Variants in RABGAP1L observed in about 807,000 individuals in gnomAD.
RABGAP1L encodes the protein rab GTPase-activating protein 1-like.
RABGAP1L carries 63 observed loss-of-function variants against 137.7 expected under a neutral mutation model. The ratio of observed to expected loss-of-function variants is 0.46; its 90% CI spans 0.37 to 0.56. RABGAP1L has a LOEUF of 0.56. Ranked by LOEUF, RABGAP1L falls within the 20% of genes least tolerant of loss-of-function variation. The pLI is 0.00. For missense variants in RABGAP1L, 1,095 were observed against 1,244.0 expected (o/e 0.88, Z 1.80); for synonymous variants, 431 against 433.7 (o/e 0.99, Z 0.08).
At chr1:174,769,998 G>A (rs925238982) in intron 18 of RABGAP1L, among the ~76,000 whole-genome samples, 2 of 152,192 alleles carry the variant, frequency 1.3e-5, no homozygotes, top group Non-Finnish European at 2.9e-5. Context: ...AGTTGGGAAT[G>A]TAGTTTCTGT....
rs1054642045 is a variant in RABGAP1L, at chr1:174,186,979, G to A, written c.-34+27322G>A. ...AAGACTGTACATTATGTGGCTCTTT[G>A]CCAGTTTCTTCGAAATCTACTTATC... On this transcript the variant is annotated intron_variant, in intron 1 of 25. Coordinates refer to ENST00000681986, the MANE Select transcript of RABGAP1L (RefSeq NM_001366446.1). 6.6e-5 allele frequency among the ~76,000 whole-genome samples: 10 copies of A among 152,052 alleles called. No homozygotes were observed. In the East Asian group the frequency reaches 1.9e-3, roughly 29 times the overall value.
chr1:174,202,422 T>C (rs1214402308), intron 1 of RABGAP1L, among the ~76,000 whole-genome samples: 2 of 152,266 alleles, frequency 1.3e-5, no homozygotes, highest in East Asian at 1.9e-4. Context: ...CATTTTTTAA[T>C]GTGGTTTTTG....
At chr1:174,238,397 G>C (rs1202830037) in intron 4 of RABGAP1L, among the ~76,000 whole-genome samples, 1 of 152,078 alleles carries the variant, frequency 6.6e-6, no homozygotes, top group Admixed American at 6.6e-5. Context: ...CATCTTTGTG[G>C]TTTTATCTAC....
chr1:174,566,143 T>G (rs1005566838), intron 13 of RABGAP1L, among the ~76,000 whole-genome samples: 2 of 152,152 alleles, frequency 1.3e-5, no homozygotes, highest in Non-Finnish European at 2.9e-5. Context: ...AAGCTTTTGG[T>G]AATTTCATTG....
At chr1:174,350,459 C>T (rs7367854) in intron 11 of RABGAP1L, among the ~76,000 whole-genome samples, 14 of 115,508 alleles carry the variant, frequency 1.2e-4, no homozygotes, top group Admixed American at 2.5e-4. Flanking sequence ...GATGGGGCGG[C>T]GGGGCAGAGG....
chr1:174,896,111 C>G (rs1046494762), intron 19 of RABGAP1L, among the ~76,000 whole-genome samples: 2 of 152,168 alleles, frequency 1.3e-5, no homozygotes, highest in African/African-American at 4.8e-5. Context: ...CCTGTTGTTT[C>G]CTGACTTTTT....
intron 17 of RABGAP1L, among the ~76,000 whole-genome samples, chr1:174,722,324 T>C (rs530712736): frequency 2.0e-5 from 3 of 152,382 alleles, no homozygotes; most frequent in African/African-American, 7.2e-5. Context: ...TAAAAGATTC[T>C]ACACTTACAC....
At chr1:174,662,405 G>T (rs1236730729) in intron 14 of RABGAP1L, among the ~76,000 whole-genome samples, 1 of 148,310 alleles carries the variant, frequency 6.7e-6, no homozygotes, top group Admixed American at 6.7e-5. Flanking sequence ...CGCCTGGCCT[G>T]GTTGTTTGTT....
chr1:174,878,248 T>C (rs1185373609), intron 19 of RABGAP1L, among the ~76,000 whole-genome samples: 1 of 152,154 alleles, frequency 6.6e-6, no homozygotes, highest in Non-Finnish European at 1.5e-5. Flanking sequence ...TTTTTTGAGA[T>C]GGAGTTTCGC....
chr1:174,799,910 A>G (rs906372190), intron 18 of RABGAP1L: 2 of 989,162 alleles, frequency 2.0e-6, no homozygotes, highest in Non-Finnish European at 2.4e-6. Flanking sequence ...ACACATAGAC[A>G]CGCACACACA....
At chr1:174,527,984 T>C (rs1467410863) in intron 13 of RABGAP1L, among the ~76,000 whole-genome samples, 2 of 151,756 alleles carry the variant, frequency 1.3e-5, no homozygotes, top group Non-Finnish European at 2.9e-5. Context: ...TTCCTTTTAG[T>C]TTCCATTTGA....
At chr1:174,274,665 T>C (rs1310380636) in intron 8 of RABGAP1L, among the ~76,000 whole-genome samples, 1 of 148,098 alleles carries the variant, frequency 6.8e-6, no homozygotes, top group African/African-American at 2.6e-5. Flanking sequence ...ACCATTATCA[T>C]ATGAGTGTGT....
At chr1:174,431,373 A>G (rs1432599334) in intron 13 of RABGAP1L, among the ~76,000 whole-genome samples, 1 of 152,190 alleles carries the variant, frequency 6.6e-6, no homozygotes, top group African/African-American at 2.4e-5. Flanking sequence ...ATCGTGATTA[A>G]TGGATAGTTG....
At chr1:174,653,236 C>G (rs972150391) in intron 14 of RABGAP1L, among the ~76,000 whole-genome samples, 1 of 152,178 alleles carries the variant, frequency 6.6e-6, no homozygotes, top group Non-Finnish European at 1.5e-5. Context: ...TGCTGGGCTC[C>G]ATGGGGGTGG....
intron 13 of RABGAP1L, among the ~76,000 whole-genome samples, chr1:174,469,391 A>G (rs1036308616): frequency 6.6e-6 from 1 of 152,170 alleles, no homozygotes; most frequent in African/African-American, 2.4e-5. Context: ...CTAATCCAAC[A>G]TTTCTCAGAA....
At chr1:174,576,480 G>A (rs1388358830) in intron 13 of RABGAP1L, among the ~76,000 whole-genome samples, 1 of 152,160 alleles carries the variant, frequency 6.6e-6, no homozygotes, top group East Asian at 1.9e-4. Context: ...CTCTCTGCAG[G>A]GGGAAGCAAA....
chr1:174,175,764 T>C (rs1466495250), intron 1 of RABGAP1L, among the ~76,000 whole-genome samples: 5 of 151,994 alleles, frequency 3.3e-5, no homozygotes, highest in African/African-American at 1.2e-4. Context: ...TAGCTGGGAT[T>C]ACAGGCACCC....
intron 11 of RABGAP1L, among the ~76,000 whole-genome samples, chr1:174,322,646 C>T (rs1259743469): frequency 1.3e-5 from 2 of 152,144 alleles, no homozygotes; most frequent in Non-Finnish European, 2.9e-5. Flanking sequence ...TACAGTATTA[C>T]TTACACAGTA....
At chr1:174,607,851 C>A (rs1432564936) in intron 13 of RABGAP1L, among the ~76,000 whole-genome samples, 1 of 152,146 alleles carries the variant, frequency 6.6e-6, no homozygotes, top group East Asian at 1.9e-4. Flanking sequence ...GTAAAAGCTT[C>A]TTTGGTTATT....
Sources: allele counts gnomAD v4.1 joint callset (sites outside exome capture counted in the v4.1 genomes callset), GRCh38; gene constraint gnomAD v4.1.1; transcripts MANE v1.5; gene names NCBI Gene and HGNC (gene_info 2026-07-23, HGNC 2026-07-21).